The following TBC1D32 variants were observed in gnomAD, a reference collection of about 807,000 sequenced individuals.
The protein encoded by TBC1D32 is protein broad-minded.
TBC1D32 carries 151 observed loss-of-function variants against 170.3 expected under a neutral mutation model. That is an observed-to-expected ratio of 0.89 (90% confidence interval 0.78 to 1.01). The LOEUF (loss-of-function observed/expected upper bound fraction) is 1.01, where lower values mean the gene tolerates loss of function less well. Among genes scored for constraint, TBC1D32 ranks in the 50% least tolerant of loss-of-function variants. The probability of loss-of-function intolerance (pLI) is 0.00; values close to 1 mark genes in which losing one functional copy is unlikely to be tolerated. For missense variants in TBC1D32, 1,464 were observed against 1,457.1 expected (o/e 1.00, Z -0.08); for synonymous variants, 498 against 488.0 (o/e 1.02, Z -0.27).
chr6:121,197,297 A>C (rs1004721775), intron 22 of TBC1D32, among the ~76,000 whole-genome samples: 1 of 152,198 alleles, frequency 6.6e-6, no homozygotes, highest in Non-Finnish European at 1.5e-5. Flanking sequence ...CAAATGGTCC[A>C]GACCCCTCAG....
chr6:121,271,570 C>T (rs1267202511), intron 15 of TBC1D32, among the ~76,000 whole-genome samples: 1 of 152,098 alleles, frequency 6.6e-6, no homozygotes, highest in Non-Finnish European at 1.5e-5. Flanking sequence ...TGTGAAGGAT[C>T]TCTTCAAGGA....
chr6:121,159,922 C>T (rs776172091), intron 24 of TBC1D32, 88 bp downstream of exon 24: 45 of 873,428 alleles, frequency 5.2e-5, no homozygotes, highest in Non-Finnish European at 7.9e-5. Flanking sequence ...TAAATGCAGT[C>T]AATATTCATC....
chr6:121,228,494 TC>T (rs548843005), intron 20 of TBC1D32, among the ~76,000 whole-genome samples: 1 of 152,172 alleles, frequency 6.6e-6, no homozygotes, highest in Non-Finnish European at 1.5e-5. Flanking sequence ...TTTCCTAATT[TC>T]CCTTGTGACT....
chr6:121,227,058 A>C (rs1795159543), intron 20 of TBC1D32, among the ~76,000 whole-genome samples: 3 of 152,076 alleles, frequency 2.0e-5, no homozygotes, highest in Non-Finnish European at 4.4e-5. Flanking sequence ...AAGAAAATAA[A>C]AATAAAAACT....
At chr6:121,258,097 TCTTTAA>T (rs1172322465) in intron 15 of TBC1D32, among the ~76,000 whole-genome samples, 2 of 152,164 alleles carry the variant, frequency 1.3e-5, no homozygotes, top group Non-Finnish European at 2.9e-5. Context: ...TTATTTAACC[TCTTTAA>T]CTTTATACTT....
chr6:121,201,449 T>C (rs1791549931), intron 22 of TBC1D32, among the ~76,000 whole-genome samples: 1 of 151,394 alleles, frequency 6.6e-6, no homozygotes, highest in African/African-American at 2.5e-5. Flanking sequence ...GACAAGAGCA[T>C]GAATGTCTTC....
chr6:121,318,881 A>T (rs960286195), intron 2 of TBC1D32, among the ~76,000 whole-genome samples: 3 of 151,354 alleles, frequency 2.0e-5, no homozygotes, highest in African/African-American at 4.8e-5. Context: ...ATAATTCTGA[A>T]TAATGCGTCA....
intron 11 of TBC1D32, among the ~76,000 whole-genome samples, chr6:121,292,690 A>G (rs1042193446): frequency 2.0e-5 from 3 of 152,198 alleles, no homozygotes; most frequent in African/African-American, 7.2e-5. Flanking sequence ...TAAGACACCA[A>G]TCTAAAACAA....
intron 5 of TBC1D32, among the ~76,000 whole-genome samples, chr6:121,306,134 T>G (rs1325757949): frequency 4.6e-5 from 7 of 152,166 alleles, no homozygotes; most frequent in Non-Finnish European, 8.8e-5. Context: ...TGTTTTCACC[T>G]TGAAGTTCTT....
intron 15 of TBC1D32, among the ~76,000 whole-genome samples, chr6:121,264,771 C>T (rs1287577834): frequency 6.6e-6 from 1 of 152,168 alleles, no homozygotes; most frequent in Non-Finnish European, 1.5e-5. Flanking sequence ...ATACACAAAT[C>T]AATAAACATA....
At chr6:121,236,005 A>C (rs1174625565) in intron 20 of TBC1D32, among the ~76,000 whole-genome samples, 1 of 152,096 alleles carries the variant, frequency 6.6e-6, no homozygotes, top group African/African-American at 2.4e-5. Flanking sequence ...ATTTAGTGTA[A>C]TTATTGATAT....
chr6:121,279,032 T>C, intron 15 of TBC1D32, 89 bp downstream of exon 15: 4 of 1,427,726 alleles, frequency 2.8e-6, no homozygotes, highest in South Asian at 1.5e-5. Context: ...TTACTCCAGC[T>C]TTTTTAGATC....
intron 31 of TBC1D32, among the ~76,000 whole-genome samples, chr6:121,081,316 A>G (rs1227856128): frequency 1.3e-5 from 2 of 152,170 alleles, no homozygotes; most frequent in South Asian, 2.1e-4. Context: ...AGAATCTGCA[A>G]TTACTAATGT....
chr6:121,091,876 T>C (rs1776840343), intron 30 of TBC1D32, among the ~76,000 whole-genome samples: 1 of 152,122 alleles, frequency 6.6e-6, no homozygotes, highest in Non-Finnish European at 1.5e-5. Context: ...CCTAATCCAA[T>C]ACGACTGGTG....
rs549227311 is a variant in TBC1D32, at chr6:121,181,297, G to A, written c.2571-20241C>T. Reference sequence around the variant, plus strand: ...TTTTTGGAGGAGAGCCTGGTGGGAGGTGATTGGATCATGAGGGCAGATTCC... The same window carrying A: ...TTTTTGGAGGAGAGCCTGGTGGGAGATGATTGGATCATGAGGGCAGATTCC... On this transcript the variant is annotated intron_variant, in intron 22 of 31. Coordinates refer to ENST00000398212, the MANE Select transcript of TBC1D32 (RefSeq NM_152730.6). Among the ~76,000 whole-genome samples, 11 of 152,186 alleles carry A rather than the reference G, an allele frequency of 7.2e-5. No homozygotes were observed. The South Asian group carries it at 2.3e-3, about 32-fold the overall frequency.
chr6:121,315,942 C>T (rs962179836), intron 3 of TBC1D32, among the ~76,000 whole-genome samples: 1 of 152,120 alleles, frequency 6.6e-6, no homozygotes, highest in Non-Finnish European at 1.5e-5. Context: ...AGCTCACTTT[C>T]AACCCAATTA....
intron 22 of TBC1D32, among the ~76,000 whole-genome samples, chr6:121,200,580 C>T (rs1791411279): frequency 6.6e-6 from 1 of 151,500 alleles, no homozygotes; most frequent in South Asian, 2.1e-4. Context: ...CCAAATAACT[C>T]AAAACGATCT....
intron 22 of TBC1D32, among the ~76,000 whole-genome samples, chr6:121,189,778 C>T (rs1047853062): frequency 1.3e-5 from 2 of 151,990 alleles, no homozygotes; most frequent in African/African-American, 4.8e-5. Flanking sequence ...CATATACCAG[C>T]TCATACTAAC....
At chr6:121,263,824 C>T (rs1013526963) in intron 15 of TBC1D32, among the ~76,000 whole-genome samples, 1 of 152,184 alleles carries the variant, frequency 6.6e-6, no homozygotes, top group African/African-American at 2.4e-5. Context: ...GAACAACCTG[C>T]TCCTGAATGA....
Sources: allele counts gnomAD v4.1 joint callset (sites outside exome capture counted in the v4.1 genomes callset), GRCh38; gene constraint gnomAD v4.1.1; transcripts MANE v1.5; gene names NCBI Gene and HGNC (gene_info 2026-07-23, HGNC 2026-07-21).